GAS2: variants seen among roughly 807,000 people sequenced by gnomAD.
GAS2 encodes the protein growth arrest-specific protein 2.
GAS2 carries 20 observed loss-of-function variants against 37.5 expected under a neutral mutation model. That is an observed-to-expected ratio of 0.53 (90% CI 0.37 to 0.77). The LOEUF (loss-of-function observed/expected upper bound fraction) is 0.77. GAS2 is among the 30% of genes least tolerant of loss of function. GAS2 has a pLI of 0.00. For synonymous variants in GAS2, 144 were observed against 132.2 expected (o/e 1.09, Z -0.61); for missense variants, 336 against 373.4 (o/e 0.90, Z 0.82).
At chr11:22,643,058 C>CT (rs34518780) in intron 1 of GAS2, among the ~76,000 whole-genome samples, 485 of 151,340 alleles carry the variant, frequency 3.2e-3, no homozygotes, top group Middle Eastern at 0.014. Flanking sequence ...TGCTTTCTAA[C>CT]TTTTTTTTTC....
At chr11:22,649,897 T>C (rs1333976100) in intron 1 of GAS2, among the ~76,000 whole-genome samples, 20 of 151,968 alleles carry the variant, frequency 1.3e-4, no homozygotes, top group Admixed American at 1.3e-3. Flanking sequence ...TTTTGAAGGG[T>C]TTTTTGTGTC....
At chr11:22,753,984 G>A (rs141686559) in intron 6 of GAS2, among the ~76,000 whole-genome samples, 30 of 151,910 alleles carry the variant, frequency 2.0e-4, no homozygotes, top group East Asian at 1.7e-3. Context: ...TATTATCATC[G>A]TCCCATTCAG....
At chr11:22,738,670 G>GA (rs977157762) in intron 5 of GAS2, among the ~76,000 whole-genome samples, 5 of 151,770 alleles carry the variant, frequency 3.3e-5, no homozygotes, top group Admixed American at 2.6e-4. Context: ...ATAAAATCAA[G>GA]AAAAAAAATA....
At chr11:22,668,182 T>C (rs1849056189) in intron 1 of GAS2, 1 of 152,236 alleles carries the variant, frequency 6.6e-6, no homozygotes, top group Non-Finnish European at 1.5e-5. Context: ...TGGACACTGA[T>C]TAACTGCAGC....
chr11:22,697,707 T>C (rs1850605654), intron 3 of GAS2, among the ~76,000 whole-genome samples: 1 of 152,220 alleles, frequency 6.6e-6, no homozygotes. Context: ...TTTGAAGCAA[T>C]TGTGAATGGG....
chr11:22,654,379 C>T (rs1423811179), intron 1 of GAS2, among the ~76,000 whole-genome samples: 3 of 151,662 alleles, frequency 2.0e-5, no homozygotes, highest in Non-Finnish European at 4.4e-5. Context: ...TTCCCTCCCT[C>T]CCTCTCTTCC....
At chr11:22,739,156 A>C (rs66467654) in intron 5 of GAS2, among the ~76,000 whole-genome samples, 21,282 of 152,122 alleles carry the variant, frequency 0.14, 1,660 homozygotes, top group East Asian at 0.2. Context: ...AGCAGGATAA[A>C]GATATACCTC....
chr11:22,706,273 GA>G (rs1196593188), intron 3 of GAS2, among the ~76,000 whole-genome samples: 2 of 151,992 alleles, frequency 1.3e-5, no homozygotes, highest in African/African-American at 4.8e-5. Flanking sequence ...TCAGGTGACA[GA>G]TAATGACCAC....
At chr11:22,774,509 C>T (rs548737143) in intron 7 of GAS2, among the ~76,000 whole-genome samples, 21 of 152,278 alleles carry the variant, frequency 1.4e-4, no homozygotes, top group Admixed American at 6.5e-4. Context: ...ACATTTTAAA[C>T]AAGGCATTTT....
Position 22,653,007 on chromosome 11 carries a change from C to CTTTCTTTT in GAS2, c.-20-21836_-20-21835insTTTTCTTT, listed in dbSNP as rs1434749181. On this transcript the variant is annotated intron_variant, in intron 1 of 5. Transcript: ENST00000528582. Reference sequence around the variant, plus strand: ...TTTCTTTCTTTGTCTTTCTTTCTTTCTTTCTTTCTTTCTTTCTTTCTTTCT... The same window carrying CTTTCTTTT: ...TTTCTTTCTTTGTCTTTCTTTCTTTCTTTCTTTTTTTCTTTCTTTCTTTCTTTCTTTCT... Among the ~76,000 whole-genome samples, 18 of 136,782 alleles carry CTTTCTTTT rather than the reference C, an allele frequency of 1.3e-4. No homozygotes were observed. The South Asian group carries it at 1.7e-3, about 13-fold the overall frequency. 89.7% of individuals were successfully genotyped at this position (136,782 alleles called of 152,430 possible).
chr11:22,762,147 G>A (rs901534220), intron 7 of GAS2, among the ~76,000 whole-genome samples: 4 of 152,024 alleles, frequency 2.6e-5, no homozygotes, highest in Non-Finnish European at 5.9e-5. Flanking sequence ...TCCACATCTT[G>A]CCACAATTAA....
Position 22,771,722 on chromosome 11 carries a change from C to T in GAS2, c.723+15769C>T, listed in dbSNP as rs189630631. 1.7e-3 allele frequency among the ~76,000 whole-genome samples: 259 copies of T among 152,218 alleles called. 2 individuals carry two copies. Among genetic ancestry groups the T allele is most frequent in the African/African-American group, 5.9e-3 (244 of 41,548 alleles). The stretch of plus-strand genomic sequence containing the variant: ...CCCATATTATAAATTCTACTTAAAA[C>T]TAGATGAACATATCTTGAAACTACA... On this transcript the variant is annotated intron_variant, in intron 7 of 7. Transcript: ENST00000454584.
rs1023994892 is a variant in GAS2, at chr11:22,701,849, G to A, written c.267+16060G>A. Among the ~76,000 whole-genome samples, 3 of 151,996 alleles carry A rather than the reference G, an allele frequency of 2.0e-5. No homozygotes were observed. The East Asian group carries it at 5.8e-4, about 29-fold the overall frequency. Reference sequence around the variant, plus strand: ...GTCTCAAACAAACAAACAAATAAAAGTTGGGGAAAAAAATTAGTTGCAAGA... The same window carrying A: ...GTCTCAAACAAACAAACAAATAAAAATTGGGGAAAAAAATTAGTTGCAAGA... On this transcript the variant is annotated intron_variant, in intron 3 of 7. Coordinates refer to ENST00000454584, the MANE Select transcript of GAS2 (RefSeq NM_001143830.3).
chr11:22,659,178 G>T (rs537813474), intron 1 of GAS2, among the ~76,000 whole-genome samples: 5 of 152,292 alleles, frequency 3.3e-5, no homozygotes, highest in Non-Finnish European at 5.9e-5. Flanking sequence ...GGCGATTAAT[G>T]TGTGAAACTA....
intron 3 of GAS2, among the ~76,000 whole-genome samples, chr11:22,722,716 A>C (rs1181723337): frequency 1.3e-5 from 2 of 151,872 alleles, no homozygotes; most frequent in Non-Finnish European, 2.9e-5. Context: ...TGGGGATGTA[A>C]AAATTCTAAT....
chr11:22,744,756 G>A (rs1454158065), intron 5 of GAS2, among the ~76,000 whole-genome samples: 2 of 152,102 alleles, frequency 1.3e-5, no homozygotes, highest in African/African-American at 4.8e-5. Flanking sequence ...AATGAGACAA[G>A]GATGCCTACT....
intron 7 of GAS2, among the ~76,000 whole-genome samples, chr11:22,787,449 A>G (rs933188531): frequency 2.0e-5 from 3 of 152,170 alleles, no homozygotes; most frequent in South Asian, 4.1e-4. Flanking sequence ...GTGCATGTAC[A>G]TATACATAGT....
intron 3 of GAS2, among the ~76,000 whole-genome samples, chr11:22,706,979 C>T (rs1021197362): frequency 6.6e-6 from 1 of 152,240 alleles, no homozygotes; most frequent in East Asian, 1.9e-4. Flanking sequence ...TATTTCTCCA[C>T]ATTCTCTCCA....
At position 22,800,207 on chromosome 11, in the gene GAS2, C is replaced by T. The variant is rs147245026; in HGVS notation, c.724-11591C>T. ...ATAAAGTGCTTTGCGAGCCAGGTTACTTGTTCTTATGGAGGGATGAGGGTA... is the reference window on the plus strand; with the variant it reads ...ATAAAGTGCTTTGCGAGCCAGGTTATTTGTTCTTATGGAGGGATGAGGGTA... On this transcript the variant is annotated intron_variant, in intron 7 of 7. Transcript: ENST00000454584. 2.3e-3 allele frequency among the ~76,000 whole-genome samples: 356 copies of T among 152,116 alleles called. 4 individuals are homozygous for T. The highest frequency in any genetic ancestry group is 8.1e-3 in the African/African-American group (336 of 41,520).
Sources: gnomAD v4.1 joint callset for allele counts (sites outside exome capture counted in the v4.1 genomes callset) on GRCh38, gnomAD v4.1.1 for gene constraint, MANE v1.5 for transcripts, NCBI Gene and HGNC (gene_info 2026-07-23, HGNC 2026-07-21) for gene names.